Variants in DDX46 observed in about 807,000 individuals in gnomAD.
The protein encoded by DDX46 is DEAD-box helicase 46.
In DDX46, 30 loss-of-function variants were observed where a neutral mutation model predicts 134.9. The observed-to-expected ratio is 0.22, with a 90% CI of 0.17 to 0.30. The LOEUF is 0.30. Among genes scored for constraint, DDX46 ranks in the 10% least tolerant of loss-of-function variants. DDX46 has a pLI of 1.00. For missense variants in DDX46, 622 were observed against 1,248.7 expected, an observed-to-expected ratio of 0.50 and a Z score of 7.56; for synonymous variants, 415 against 404.1, an observed-to-expected ratio of 1.03 and a Z score of -0.32.
intron 17 of DDX46, 131 bp from the exon 18 acceptor site, chr5:134,811,565 T>A (rs1396702012): frequency 3.5e-6 from 4 of 1,154,292 alleles, no homozygotes; most frequent in Non-Finnish European, 4.8e-6. Flanking sequence ...AGCTCTTAGT[T>A]TATCTTACAT....
chr5:134,766,511 G>A (rs556168836), intron 2 of DDX46, among the ~76,000 whole-genome samples: 6 of 150,684 alleles, frequency 4.0e-5, no homozygotes, highest in South Asian at 4.2e-4. Context: ...CTGAGATTGC[G>A]CCATTGCACT....
At chr5:134,810,337 A>G (rs1276333726) in intron 16 of DDX46, among the ~76,000 whole-genome samples, 5 of 151,382 alleles carry the variant, frequency 3.3e-5, no homozygotes, top group Admixed American at 3.3e-4. Context: ...AAAATTACCT[A>G]TGTTTCTTTT....
rs1167572030 is a variant in DDX46 at position 134,830,185 on chromosome 5, GA to G, written c.*1486del. The G allele has an allele frequency of 1.2e-4, 17 of 138,428 alleles. No individual in the cohort carries two copies. The highest frequency in any genetic ancestry group is 6.3e-4 in the East Asian group (3 of 4,736). The allele number at this position is 138,428 out of a possible 1,614,324, so 8.6% of individuals were successfully genotyped here. On this transcript the variant is annotated 3_prime_UTR_variant, in exon 23 of 23. Coordinates refer to ENST00000452510, the MANE Select transcript of DDX46 (RefSeq NM_001300860.2). ...TCAAAAATAGAAAAAAAAAAAAAAA[GA>G]AAAAAAGAATGTAAAATTTTAAAAA...
At chr5:134,781,331 T>A (rs1376049860) in intron 7 of DDX46, 85 bp downstream of exon 7, 9 of 1,031,360 alleles carry the variant, frequency 8.7e-6, no homozygotes, top group Non-Finnish European at 1.3e-5. Context: ...TGCGTTTCAT[T>A]TGTGTGAGCT....
chr5:134,763,812 T>C lies in DDX46; in HGVS notation c.18-92T>C. On this transcript the variant is annotated intron_variant, in intron 1 of 22. Coordinates refer to ENST00000452510, the MANE Select transcript of DDX46 (RefSeq NM_001300860.2). The stretch of plus-strand genomic sequence containing the variant: ...TAAAAAGTTCTTTGAGTGTTAAATT[T>C]GTCTGCTGAAATTATTTTTAGAAAA... 2.1e-6 allele frequency: 3 copies of C among 1,404,992 alleles called. No individual in the cohort carries two copies. The South Asian group carries it at 4.4e-5, about 21-fold the overall frequency. The allele number at this position is 1,404,992 out of a possible 1,614,324, so 87.0% of individuals were successfully genotyped here.
chr5:134,761,326 A>C (rs1165246944), intron 1 of DDX46, among the ~76,000 whole-genome samples: 1 of 152,114 alleles, frequency 6.6e-6, no homozygotes, highest in East Asian at 1.9e-4. Context: ...TGCCCAGCCA[A>C]TTGGTGTTTT....
intron 21 of DDX46, among the ~76,000 whole-genome samples, chr5:134,822,455 C>T (rs988442340): frequency 6.6e-6 from 1 of 152,052 alleles, no homozygotes; most frequent in Non-Finnish European, 1.5e-5. Flanking sequence ...TCCTTAGCCT[C>T]CTGAACAGCT....
intron 3 of DDX46, 150 bp from the exon 4 acceptor site, chr5:134,770,753 A>G (rs1429226318): frequency 1.9e-6 from 1 of 533,058 alleles, no homozygotes; most frequent in East Asian, 4.1e-5. Flanking sequence ...TGGAGGTTGC[A>G]GTGAGCTGAG....
rs369510892 is a variant in DDX46, at chr5:134,766,950, A to C, written c.240A>C (p.Arg80=). The C allele has an allele frequency of 6.5e-5, 105 of 1,613,962 alleles. No individual in the cohort carries two copies. Among genetic ancestry groups the C allele is most frequent in the Non-Finnish European group, 8.4e-5 (99 of 1,180,010 alleles). ...GAAGTAGAGAGAGAGACAGAAGCCG[A>C]GAGCGAAGAAGATCTCGAAGTAGAG... ...RSRSRERDRS[R]ERRRSRSRDR... is the part of the protein sequence containing the mutation. Residue 80 remains arginine, a synonymous_variant, in exon 3 of 23, where the codon CGA becomes CGC. Transcript: ENST00000452510.
rs61601059 is a variant in DDX46 at position 134,765,056 on chromosome 5, CT to C, written c.206+978del. Among the ~76,000 whole-genome samples, 658 of 140,984 alleles carry C rather than the reference CT, an allele frequency of 4.7e-3. 3 individuals are homozygous for C. Among genetic ancestry groups the C allele is most frequent in the East Asian group, 0.029 (144 of 4,892 alleles). 92.5% of individuals were successfully genotyped at this position (140,984 alleles called of 152,430 possible). A position where few individuals can be genotyped will look rare whatever the true frequency, so the allele number is the denominator to read the frequency against. On this transcript the variant is annotated intron_variant, in intron 2 of 22. Transcript: ENST00000452510. ...GATTTAAACTAAAGAGCGCCTTAAT[CT>C]TTTTTTTTTTTTTAATTTATTTTTT...
intron 1 of DDX46, among the ~76,000 whole-genome samples, chr5:134,759,291 C>A: frequency 6.6e-6 from 1 of 152,216 alleles, no homozygotes; most frequent in East Asian, 1.9e-4. Context: ...TTGCTTATTG[C>A]TTCGCGTTTC....
Position 134,773,857 on chromosome 5 carries a change from T to C in DDX46, c.609T>C (p.Asp203=). 1.3e-6 allele frequency: 2 copies of C among 1,598,846 alleles called. No homozygotes were observed. Among genetic ancestry groups the C allele is most frequent in the Non-Finnish European group, 1.7e-6 (2 of 1,174,554 alleles). ...KQGKKWSLED[D]DDDEDDPAEA... ...GGAAAAAGTGGAGTTTAGAGGACGATGATGGTATATTTTTTAGCCTAATAG... is the reference window on the plus strand; with the variant it reads ...GGAAAAAGTGGAGTTTAGAGGACGACGATGGTATATTTTTTAGCCTAATAG... Residue 203 remains aspartate, a synonymous_variant, in exon 5 of 23, where the codon GAT becomes GAC. Coordinates refer to ENST00000452510, the MANE Select transcript of DDX46 (RefSeq NM_001300860.2).
chr5:134,783,171 C>G (rs927780614), intron 9 of DDX46, 106 bp downstream of exon 9: 1 of 1,425,740 alleles, frequency 7.0e-7, no homozygotes, highest in Non-Finnish European at 9.4e-7. Flanking sequence ...AAAACCCTTA[C>G]GTTTTAAAAA....
rs150097158 is a variant in DDX46, at chr5:134,788,639, C to CT, written c.1543+56dup. The stretch of plus-strand genomic sequence containing the variant: ...GTGTCTTTTATTTTTGAATTCTTTA[C>CT]TTTTTTTTGTTAAAACAGATGCAAG... On this transcript the variant is annotated intron_variant, in intron 12 of 22. Coordinates refer to ENST00000452510, the MANE Select transcript of DDX46 (RefSeq NM_001300860.2). The CT allele has an allele frequency of 1.6e-3, 2,447 of 1,524,360 alleles. 32 individuals are homozygous for CT. The African/African-American group carries it at 0.028, about 17-fold the overall frequency. 94.4% of individuals were successfully genotyped at this position (1,524,360 alleles called of 1,614,324 possible).
intron 5 of DDX46, among the ~76,000 whole-genome samples, chr5:134,776,116 G>A (rs1753926859): frequency 6.6e-6 from 1 of 152,198 alleles, no homozygotes. Flanking sequence ...TAGAGGCTGG[G>A]CGCGCTGGTG....
chr5:134,778,854 G>A (rs145883853), intron 6 of DDX46, among the ~76,000 whole-genome samples: 14 of 150,672 alleles, frequency 9.3e-5, no homozygotes, highest in East Asian at 7.9e-4. Flanking sequence ...GATTACAGGC[G>A]TGAACCACCG....
chr5:134,767,268 T>A (rs1374466019), intron 3 of DDX46, among the ~76,000 whole-genome samples: 1 of 152,206 alleles, frequency 6.6e-6, no homozygotes, highest in Non-Finnish European at 1.5e-5. Context: ...GTTTTAACAT[T>A]CAATACATTG....
chr5:134,811,865 C>T lies in DDX46; in HGVS notation c.2436+20C>T. On this transcript the variant is annotated intron_variant, in intron 18 of 22. Transcript: ENST00000452510. The stretch of plus-strand genomic sequence containing the variant: ...GTTGATGTAAGTACTATTATTCTCT[C>T]ATTCTTAATTGAAGCAGTTATTTCT... 2 of 1,599,004 alleles carry T rather than the reference C, an allele frequency of 1.3e-6. No individual in the cohort carries two copies. The highest frequency in any genetic ancestry group is 1.7e-6 in the Non-Finnish European group (2 of 1,175,510).
At chr5:134,816,243 A>G (rs1755285473) in intron 18 of DDX46, among the ~76,000 whole-genome samples, 187 bp from the exon 19 acceptor site, 2 of 152,186 alleles carry the variant, frequency 1.3e-5, no homozygotes, top group African/African-American at 2.4e-5. Context: ...GATTTTTTAA[A>G]TGAAATGTGA....
Sources: gnomAD v4.1 joint callset for allele counts (sites outside exome capture counted in the v4.1 genomes callset) on GRCh38, gnomAD v4.1.1 for gene constraint, MANE v1.5 for transcripts, NCBI Gene and HGNC (gene_info 2026-07-23, HGNC 2026-07-21) for gene names.